COBL: variants seen among roughly 807,000 people sequenced by gnomAD.
COBL encodes protein cordon-bleu.
Under a neutral mutation model 98.8 loss-of-function variants are expected in COBL, and 51 were observed. The ratio of observed to expected loss-of-function variants is 0.52; its 90% CI spans 0.41 to 0.65. COBL has a LOEUF of 0.65. Ranked by LOEUF, COBL falls within the 30% of genes least tolerant of loss-of-function variation. The probability of loss-of-function intolerance (pLI) is 0.00; values close to 1 mark genes in which losing one functional copy is unlikely to be tolerated. For missense variants in COBL, 1,617 were observed against 1,617.5 expected (o/e 1.00, Z 0.01); for synonymous variants, 634 against 651.7 (o/e 0.97, Z 0.41).
At position 51,301,365 on chromosome 7, in the gene COBL, G is replaced by A. The variant is rs575433750; in HGVS notation, c.41+15228C>T. 2.5e-3 allele frequency among the ~76,000 whole-genome samples: 384 copies of A among 152,298 alleles called. 5 individuals carry two copies. Among genetic ancestry groups the A allele is most frequent in the Non-Finnish European group, 3.8e-3 (259 of 68,022 alleles). ...TATCTGAGCAGGAGCCTCACAGCCCGTGCTCTCCACTCTGTGACGGGGAAC... is the reference window on the plus strand; with the variant it reads ...TATCTGAGCAGGAGCCTCACAGCCCATGCTCTCCACTCTGTGACGGGGAAC... On this transcript the variant is annotated intron_variant, in intron 1 of 12. Coordinates refer to ENST00000265136, the MANE Select transcript of COBL (RefSeq NM_015198.5).
intron 1 of COBL, among the ~76,000 whole-genome samples, chr7:51,267,353 C>T (rs371461573): frequency 2.6e-4 from 40 of 152,212 alleles, no homozygotes; most frequent in African/African-American, 8.9e-4. Flanking sequence ...ACAAAACCAG[C>T]GCAGGACCTG....
At chr7:51,175,262 C>G (rs191351747) in intron 5 of COBL, among the ~76,000 whole-genome samples, 1 of 152,338 alleles carries the variant, frequency 6.6e-6, no homozygotes, top group Admixed American at 6.5e-5. Flanking sequence ...CAGCTGCTTT[C>G]TACTGTTTAT....
intron 6 of COBL, among the ~76,000 whole-genome samples, chr7:51,134,591 T>A (rs1439705565): frequency 6.6e-6 from 1 of 152,176 alleles, no homozygotes; most frequent in African/African-American, 2.4e-5. Flanking sequence ...ACAATTCTTA[T>A]TAAAAGAAAA....
At chr7:51,261,328 C>CTCTCTATCT (rs1301526533) in intron 1 of COBL, among the ~76,000 whole-genome samples, 14 of 152,212 alleles carry the variant, frequency 9.2e-5, no homozygotes, top group Non-Finnish European at 4.4e-5. Flanking sequence ...TATTTATTTA[C>CTCTCTATCT]TCTCTATCTC....
At chr7:51,137,300 G>C (rs1050361882) in intron 5 of COBL, among the ~76,000 whole-genome samples, 1 of 152,182 alleles carries the variant, frequency 6.6e-6, no homozygotes, top group Admixed American at 6.5e-5. Context: ...TCAGGAGTAA[G>C]ATACAAACCT....
intron 10 of COBL, 63 bp from the exon 11 acceptor site, chr7:51,026,728 G>A: frequency 6.4e-7 from 1 of 1,574,692 alleles, no homozygotes; most frequent in Non-Finnish European, 8.7e-7. Context: ...CTGTAATGCA[G>A]CTCATGAGAA....
intron 6 of COBL, among the ~76,000 whole-genome samples, chr7:51,132,024 AGAG>A (rs1241432296): frequency 6.6e-6 from 1 of 152,230 alleles, no homozygotes; most frequent in Non-Finnish European, 1.5e-5. Flanking sequence ...TACCACCAAC[AGAG>A]GAGAGGATGC....
intron 5 of COBL, among the ~76,000 whole-genome samples, chr7:51,163,136 A>G (rs552068160): frequency 6.6e-6 from 1 of 152,358 alleles, no homozygotes; most frequent in African/African-American, 2.4e-5. Flanking sequence ...CAAAGCAGCA[A>G]AAGGATGATG....
chr7:51,106,113 G>A (rs532912445), intron 6 of COBL, among the ~76,000 whole-genome samples: 130 of 149,756 alleles, frequency 8.7e-4, no homozygotes, highest in Admixed American at 2.0e-3. Context: ...CTGAGGCAGG[G>A]GAATTGCTTG....
chr7:51,138,766 T>C (rs1051097328), intron 5 of COBL, among the ~76,000 whole-genome samples: 2 of 152,234 alleles, frequency 1.3e-5, no homozygotes, highest in African/African-American at 4.8e-5. Context: ...CCTGTACCCA[T>C]GCCACCTGCT....
chr7:51,136,280 G>C lies in COBL; in HGVS notation c.835C>G (p.Leu279Val), dbSNP rs1295420627. The C allele has an allele frequency of 6.2e-7, 1 of 1,614,118 alleles. No homozygotes were observed. Among genetic ancestry groups the C allele is most frequent in the Admixed American group, 1.7e-5 (1 of 60,016 alleles). ...CTGCCCAGCGAGAGGGATGGACCCA[G>C]CGTAAGAGAACGTGAGTGCATGGAT... The part of the protein sequence containing the change: ...SPSMHSRSLT[L>V]GPSLSLGSIS... Residue 279 changes from leucine to valine, a missense_variant, in exon 6 of 13, where the codon CTG becomes GTG. Physicochemically the swap from Leu to Val is conservative, Grantham distance 32. Coordinates refer to ENST00000265136, the MANE Select transcript of COBL (RefSeq NM_015198.5).
In COBL at chr7:51,316,668, G is replaced by A. The variant is rs974668214; in HGVS notation, c.-35C>T. 221 of 1,189,734 alleles carry A rather than the reference G, an allele frequency of 1.9e-4. No homozygotes were observed. Among genetic ancestry groups the A allele is most frequent in the Non-Finnish European group, 2.1e-4 (202 of 960,194 alleles). The allele number at this position is 1,189,734 out of a possible 1,614,324, so 73.7% of individuals were successfully genotyped here. A position where few individuals can be genotyped will look rare whatever the true frequency, so the allele number is the denominator to read the frequency against. On this transcript the variant is annotated 5_prime_UTR_variant, in exon 1 of 13. Coordinates refer to ENST00000265136, the MANE Select transcript of COBL (RefSeq NM_015198.5). ...GGCCGGGACGCGGGCGGTGCTCCGG[G>A]CCCGCCGAGTCAGGCGCTGGCTACC...
intron 1 of COBL, among the ~76,000 whole-genome samples, chr7:51,276,827 TA>T (rs1327166030): frequency 9.9e-5 from 15 of 152,144 alleles, no homozygotes; most frequent in Non-Finnish European, 2.2e-4. Context: ...GGCTGGCCCT[TA>T]AGGGTGCCTG....
chr7:51,244,651 C>T (rs920048411), intron 1 of COBL, among the ~76,000 whole-genome samples: 20 of 152,166 alleles, frequency 1.3e-4, no homozygotes, highest in African/African-American at 4.6e-4. Context: ...CCTCAGCTTT[C>T]CCCCAGGCTG....
intron 1 of COBL, among the ~76,000 whole-genome samples, chr7:51,233,677 G>C (rs186295072): frequency 6.6e-6 from 1 of 152,154 alleles, no homozygotes; most frequent in Non-Finnish European, 1.5e-5. Flanking sequence ...GGAACTCAAC[G>C]GACTGTGAGA....
chr7:51,276,920 C>T (rs1799360199), intron 1 of COBL, among the ~76,000 whole-genome samples: 1 of 152,170 alleles, frequency 6.6e-6, no homozygotes, highest in South Asian at 2.1e-4. Flanking sequence ...ATTTGACCAG[C>T]TAAGAGGTGA....
rs556498396 is a variant in COBL at position 51,022,957 on chromosome 7, C to T, written c.3768+2152G>A. 6 of 152,298 alleles carry T rather than the reference C, an allele frequency of 3.9e-5. No individual in the cohort carries two copies. In the South Asian group the frequency reaches 1.2e-3, roughly 32 times the overall value. 9.4% of individuals were successfully genotyped at this position (152,298 alleles called of 1,614,324 possible). ...AAATGTGATTCAAGATACAGATGTC[C>T]TATGGACCTACATTGAGAAACAGCT... On this transcript the variant is annotated intron_variant, in intron 12 of 12. Coordinates refer to ENST00000265136, the MANE Select transcript of COBL (RefSeq NM_015198.5).
chr7:51,312,065 T>C (rs1280687472), intron 1 of COBL, among the ~76,000 whole-genome samples: 3 of 152,116 alleles, frequency 2.0e-5, no homozygotes, highest in African/African-American at 7.2e-5. Context: ...GGCTCACACC[T>C]GTAATCCCAG....
chr7:51,157,143 G>A (rs1179058780), intron 5 of COBL, among the ~76,000 whole-genome samples: 2 of 152,214 alleles, frequency 1.3e-5, no homozygotes, highest in Non-Finnish European at 2.9e-5. Context: ...GGCCGAGGCA[G>A]GCGGATCACT....
Sources: gnomAD v4.1 joint callset for allele counts (sites outside exome capture counted in the v4.1 genomes callset) on GRCh38, gnomAD v4.1.1 for gene constraint, MANE v1.5 for transcripts, NCBI Gene and HGNC (gene_info 2026-07-23, HGNC 2026-07-21) for gene names.